The following PLAGL1 variants were observed in gnomAD, a reference collection of about 807,000 sequenced individuals.
The protein encoded by PLAGL1 is PLAG1 like zinc finger 1, also known as zinc finger protein PLAGL1.
Under a neutral mutation model 4.6 loss-of-function variants are expected in PLAGL1, and 1 was observed. That is an observed-to-expected ratio of 0.22 (90% CI 0.08 to 1.03). PLAGL1 has a LOEUF of 1.03. PLAGL1 is among the 50% of genes least tolerant of loss of function. The probability of loss-of-function intolerance (pLI) is 0.58; values close to 1 mark genes in which losing one functional copy is unlikely to be tolerated. For missense variants in PLAGL1, 464 were observed against 570.4 expected (o/e 0.81, Z 1.90); for synonymous variants, 240 against 237.8 (o/e 1.01, Z -0.08).
rs1196220041 is a variant in PLAGL1, at chr6:143,995,468, C to G, written c.-583-10294G>C. ...TAAGCCAAGGAAACATGATTCTAAA[C>G]TACATAATTTAAACAGATTTCTATA... On this transcript the variant is annotated intron_variant, in intron 1 of 7. Coordinates refer to ENST00000674357, the MANE Select transcript of PLAGL1 (RefSeq NM_001317162.2). This position sits in a 1 kb window ranked among gnomAD's most constrained non-coding sequence, Gnocchi z 4.4. Among the ~76,000 whole-genome samples the G allele has an allele frequency of 1.3e-5, 2 of 152,110 alleles. No homozygotes were observed. Among genetic ancestry groups the G allele is most frequent in the Admixed American group, 1.3e-4 (2 of 15,264 alleles).
In PLAGL1 at chr6:143,960,063, G is replaced by A. The variant is rs1469755251; in HGVS notation, c.-325+406C>T. Among the ~76,000 whole-genome samples, 2 of 152,196 alleles carry A rather than the reference G, an allele frequency of 1.3e-5. No individual in the cohort carries two copies. Among genetic ancestry groups the A allele is most frequent in the African/African-American group, 4.8e-5 (2 of 41,440 alleles). On this transcript the variant is annotated intron_variant, in intron 6 of 7. Transcript: ENST00000674357. This position sits in a 1 kb window ranked among gnomAD's most constrained non-coding sequence, Gnocchi z 5.7. ...TCTTTCCCAGGCTTATCTTTCAGTCGACATCTGCCACAAAGACAGGACAAC... is the reference window on the plus strand; with the variant it reads ...TCTTTCCCAGGCTTATCTTTCAGTCAACATCTGCCACAAAGACAGGACAAC...
At position 143,942,097 on chromosome 6, in the gene PLAGL1, G is replaced by C. The variant is rs142705655; in HGVS notation, c.719C>G (p.Pro240Arg). The C allele has an allele frequency of 1.1e-4, 177 of 1,614,124 alleles. 1 individual carries two copies. The African/African-American group carries it at 2.2e-3, about 20-fold the overall frequency. ...PSFQLKAAAL[P>R]PFPLGASAQN... is the part of the protein sequence containing the mutation. ...GGCAGAAGCTCCTAAAGGGAAAGGA[G>C]GCAAGGCAGCAGCCTTCAGTTGGAA... Residue 240 changes from proline (P) to arginine (R), a missense_variant, in exon 8 of 8, where the codon CCT (proline) becomes CGT (arginine). Transcript: ENST00000674357. This position sits in a 1 kb window ranked among gnomAD's most constrained non-coding sequence, Gnocchi z 7.6.
In PLAGL1 at chr6:143,943,444, C is replaced by T. The variant is rs529908450; in HGVS notation, c.153-781G>A. Among the ~76,000 whole-genome samples, 6 of 152,212 alleles carry T rather than the reference C, an allele frequency of 3.9e-5. No homozygotes were observed. The East Asian group carries it at 1.2e-3, about 29-fold the overall frequency. On this transcript the variant is annotated intron_variant, in intron 7 of 7. Coordinates refer to ENST00000674357, the MANE Select transcript of PLAGL1 (RefSeq NM_001317162.2). The stretch of plus-strand genomic sequence containing the variant: ...CTTAGGAGCCTCTTAAAAAGTCCAT[C>T]CTTAACCTCAGAAAAGTGTCTAATA...
rs905940924 is a variant in PLAGL1, at chr6:144,055,814, A to G, written c.-151+8654T>C. On this transcript the variant is annotated intron_variant, in intron 1 of 3. Transcript: ENST00000437412. This position sits in a 1 kb window ranked among gnomAD's most constrained non-coding sequence, Gnocchi z 5.0. ...TCCTGGAAGAAAGAACCTCATCCCC[A>G]TGAACGATACACAGCCACTGTCTTT... is the stretch of plus-strand genomic sequence containing the variant. 6.6e-6 allele frequency among the ~76,000 whole-genome samples: 1 copy of G among 152,204 alleles called. No individual in the cohort carries two copies. Among genetic ancestry groups the G allele is most frequent in the East Asian group, 1.9e-4 (1 of 5,198 alleles).
In PLAGL1 at chr6:144,064,125, G is replaced by A. The variant is rs1396059947; in HGVS notation, c.-151+343C>T. Among the ~76,000 whole-genome samples, 2 of 151,708 alleles carry A rather than the reference G, an allele frequency of 1.3e-5. No homozygotes were observed. The highest frequency in any genetic ancestry group is 2.1e-4 in the South Asian group (1 of 4,806). ...GGGGACAGTGGCCGGCGGGGCGGGCGCTAGGTGGCGGCTGTTCAGCTCCCA... is the reference window on the plus strand; with the variant it reads ...GGGGACAGTGGCCGGCGGGGCGGGCACTAGGTGGCGGCTGTTCAGCTCCCA... On this transcript the variant is annotated intron_variant, in intron 1 of 3. Coordinates refer to the PLAGL1 transcript ENST00000437412. This position sits in a 1 kb window ranked among gnomAD's most constrained non-coding sequence, Gnocchi z 6.8.
At chr6:143,974,782 T>C (rs1272424067) in intron 2 of PLAGL1, among the ~76,000 whole-genome samples, 2 of 152,186 alleles carry the variant, frequency 1.3e-5, no homozygotes, top group African/African-American at 4.8e-5. Flanking sequence ...CAAAGAAACC[T>C]AGGCTTATGA....
At position 143,964,806 on chromosome 6, in the gene PLAGL1, CCTATGCAA is replaced by C. The variant is rs1784102250; in HGVS notation, c.-426_-419del. The C allele has an allele frequency of 6.6e-6, 1 of 152,180 alleles. No homozygotes were observed. The highest frequency in any genetic ancestry group is 2.4e-5 in the African/African-American group (1 of 41,410). 9.4% of individuals were successfully genotyped at this position (152,180 alleles called of 1,614,324 possible). A position where few individuals can be genotyped will look rare whatever the true frequency, so the allele number is the denominator to read the frequency against. ...ACTCACAAGATTAACTCCTCTGATT[CCTATGCAA>C]ATACCTAGAAAGGGAGAGACACACA... On this transcript the variant is annotated 5_prime_UTR_variant, in exon 5 of 8. It adds an upstream start codon to the 5' untranslated region. Coordinates refer to ENST00000674357, the MANE Select transcript of PLAGL1 (RefSeq NM_001317162.2). This position sits in a 1 kb window ranked among gnomAD's most constrained non-coding sequence, Gnocchi z 4.3.
rs1441429141 is a variant in PLAGL1 at position 144,016,949 on chromosome 6, G to A, written c.-151+47519C>T. Among the ~76,000 whole-genome samples the A allele has an allele frequency of 1.3e-5, 2 of 152,128 alleles. No homozygotes were observed. Among genetic ancestry groups the A allele is most frequent in the African/African-American group, 2.4e-5 (1 of 41,406 alleles). On this transcript the variant is annotated intron_variant, in intron 1 of 3. Transcript: ENST00000437412. The surrounding 1 kb of genome is among the most constrained non-coding windows in gnomAD (Gnocchi z 4.2). ...AGTCTGTTTTCTAACCTGTGAGGGT[G>A]TCAGTGGCAGAGGTGAAACCTGACC... is the stretch of plus-strand genomic sequence containing the variant.
Position 143,948,282 on chromosome 6 carries a change from G to A in PLAGL1, c.-146C>T, listed in dbSNP as rs1304059517. The stretch of plus-strand genomic sequence containing the variant: ...ACGGGAGAGGCAGCATCGTGGGCCT[G>A]GTTCTACCCAGACATGGACCTCTCA... On this transcript the variant is annotated 5_prime_UTR_variant, in exon 7 of 8. Transcript: ENST00000674357. The surrounding 1 kb of genome is among the most constrained non-coding windows in gnomAD (Gnocchi z 6.0). 2 of 668,430 alleles carry A rather than the reference G, an allele frequency of 3.0e-6. No individual in the cohort carries two copies. The highest frequency in any genetic ancestry group is 5.2e-6 in the Non-Finnish European group (2 of 382,574). The allele number at this position is 668,430 out of a possible 1,614,324, so 41.4% of individuals were successfully genotyped here.
chr6:144,058,807 C>T (rs1799178996), intron 1 of PLAGL1, among the ~76,000 whole-genome samples: 1 of 152,150 alleles, frequency 6.6e-6, no homozygotes, highest in Non-Finnish European at 1.5e-5. Flanking sequence ...GGAGTAGACC[C>T]CCAAGACCTT....
chr6:143,944,324 C>T (rs1205873622), intron 7 of PLAGL1, among the ~76,000 whole-genome samples: 3 of 152,084 alleles, frequency 2.0e-5, no homozygotes, highest in African/African-American at 7.2e-5. Flanking sequence ...CAATAGCAGC[C>T]GTTGAGTGGA....
chr6:143,973,129 A>G lies in PLAGL1; in HGVS notation c.-543-4151T>C, dbSNP rs1477438575. ...TTTTCAGCTGTCAATAAACAGAGGC[A>G]GTGAATTCCCCACGGCTTCACAAAG... is the stretch of plus-strand genomic sequence containing the variant. On this transcript the variant is annotated intron_variant, in intron 2 of 7. Coordinates refer to ENST00000674357, the MANE Select transcript of PLAGL1 (RefSeq NM_001317162.2). The surrounding 1 kb of genome is among the most constrained non-coding windows in gnomAD (Gnocchi z 6.2). Among the ~76,000 whole-genome samples the G allele has an allele frequency of 2.6e-5, 4 of 152,220 alleles. No homozygotes were observed. Among genetic ancestry groups the G allele is most frequent in the Non-Finnish European group, 2.9e-5 (2 of 68,046 alleles).
rs892909509 is a variant in PLAGL1, at chr6:144,034,768, T to C, written c.-151+29700A>G. On this transcript the variant is annotated intron_variant, in intron 1 of 3. Transcript: ENST00000437412. The surrounding 1 kb of genome is among the most constrained non-coding windows in gnomAD (Gnocchi z 4.7). ...CCTTGGAGGGGACTGTCATCTTACATAGCTGACAGTAATTTTCAGATTTGT... is the reference window on the plus strand; with the variant it reads ...CCTTGGAGGGGACTGTCATCTTACACAGCTGACAGTAATTTTCAGATTTGT... 6.6e-6 allele frequency among the ~76,000 whole-genome samples: 1 copy of C among 152,174 alleles called. No individual in the cohort carries two copies. Among genetic ancestry groups the C allele is most frequent in the Non-Finnish European group, 1.5e-5 (1 of 68,032 alleles).
Position 143,962,842 on chromosome 6 carries a change from G to T in PLAGL1, c.-399+1945C>A, listed in dbSNP as rs1783656651. Among the ~76,000 whole-genome samples, 1 of 152,174 alleles carries T rather than the reference G, an allele frequency of 6.6e-6. No individual in the cohort carries two copies. Among genetic ancestry groups the T allele is most frequent in the Non-Finnish European group, 1.5e-5 (1 of 68,038 alleles). ...AGAATTGGGCAACCCTCAAACACTG[G>T]GAAGTCTGCCCTGGTTTTCAGTGAA... On this transcript the variant is annotated intron_variant, in intron 5 of 7. Coordinates refer to ENST00000674357, the MANE Select transcript of PLAGL1 (RefSeq NM_001317162.2). This position sits in a 1 kb window ranked among gnomAD's most constrained non-coding sequence, Gnocchi z 5.3.
At position 143,949,595 on chromosome 6, in the gene PLAGL1, A is replaced by G. The variant is rs148146643; in HGVS notation, c.-324-1135T>C. Among the ~76,000 whole-genome samples, 109 of 152,326 alleles carry G rather than the reference A, an allele frequency of 7.2e-4. No homozygotes were observed. Among genetic ancestry groups the G allele is most frequent in the African/African-American group, 2.5e-3 (105 of 41,578 alleles). On this transcript the variant is annotated intron_variant, in intron 6 of 7. Coordinates refer to ENST00000674357, the MANE Select transcript of PLAGL1 (RefSeq NM_001317162.2). This position sits in a 1 kb window ranked among gnomAD's most constrained non-coding sequence, Gnocchi z 5.3. Reference sequence around the variant, plus strand: ...CCCTGGATCACTACCACCCTGTGCTATTCTAGAGAGAGATTTTCAGGTGGG... The same window carrying G: ...CCCTGGATCACTACCACCCTGTGCTGTTCTAGAGAGAGATTTTCAGGTGGG...
At position 144,006,051 on chromosome 6, in the gene PLAGL1, C is replaced by T. The variant is rs539541929; in HGVS notation, c.-584+2039G>A. The T allele has an allele frequency of 6.6e-6, 1 of 151,970 alleles. No homozygotes were observed. Among genetic ancestry groups the T allele is most frequent in the Non-Finnish European group, 1.5e-5 (1 of 67,978 alleles). The allele number at this position is 151,970 out of a possible 1,614,324, so 9.4% of individuals were successfully genotyped here. ...GTGACTTTTGGGAAAGCAAACACAC[C>T]AAATGATGTTTTCTCCTAAATGCTT... On this transcript the variant is annotated intron_variant, in intron 1 of 7. Transcript: ENST00000674357. The surrounding 1 kb of genome is among the most constrained non-coding windows in gnomAD (Gnocchi z 4.3).
At position 144,052,661 on chromosome 6, in the gene PLAGL1, A is replaced by G. The variant is rs560716686; in HGVS notation, c.-151+11807T>C. ...AAAATTCAGTCTGAAATAATTGGGG[A>G]CTCAATATGCTGGCAGCTTCACACT... On this transcript the variant is annotated intron_variant, in intron 1 of 3. Coordinates refer to the PLAGL1 transcript ENST00000437412. Among the ~76,000 whole-genome samples, 24 of 152,178 alleles carry G rather than the reference A, an allele frequency of 1.6e-4. No homozygotes were observed. The South Asian group carries it at 2.9e-3, about 18-fold the overall frequency.
rs1301483120 is a variant in PLAGL1, at chr6:144,002,397, TA to T, written c.-584+5692del. Among the ~76,000 whole-genome samples, 4 of 152,214 alleles carry T rather than the reference TA, an allele frequency of 2.6e-5. No individual in the cohort carries two copies. The South Asian group carries it at 6.2e-4, about 24-fold the overall frequency. ...GGATATCCTTTGTTAATACTTCTGT[TA>T]AATATTGTTCTAGAGGTCCCAGCCA... On this transcript the variant is annotated intron_variant, in intron 1 of 7. Coordinates refer to ENST00000674357, the MANE Select transcript of PLAGL1 (RefSeq NM_001317162.2).
In PLAGL1 at chr6:143,953,351, G is replaced by A; in HGVS notation, c.-324-4891C>T. On this transcript the variant is annotated intron_variant, in intron 6 of 7. Coordinates refer to ENST00000674357, the MANE Select transcript of PLAGL1 (RefSeq NM_001317162.2). This position sits in a 1 kb window ranked among gnomAD's most constrained non-coding sequence, Gnocchi z 5.3. The stretch of plus-strand genomic sequence containing the variant: ...ATTCTTTTCAGCTGTCACCTTGAAA[G>A]ACTGAATTTTGTTAACCCAGTGACT... 6.6e-6 allele frequency among the ~76,000 whole-genome samples: 1 copy of A among 152,330 alleles called. No individual in the cohort carries two copies. The highest frequency in any genetic ancestry group is 1.9e-4 in the East Asian group (1 of 5,186).
Sources: gnomAD v4.1 joint callset for allele counts (sites outside exome capture counted in the v4.1 genomes callset) on GRCh38, gnomAD v4.1.1 for gene constraint, Gnocchi (gnomAD v3.1) non-coding constraint, MANE v1.5 for transcripts, NCBI Gene and HGNC (gene_info 2026-07-23, HGNC 2026-07-21) for gene names.